The following DEFA4 variants were observed in gnomAD, a reference collection of about 807,000 sequenced individuals.
The protein encoded by DEFA4 is corticostatin.
A neutral mutation model predicts 4.4 loss-of-function variants in DEFA4; 8 were observed. That is an observed-to-expected ratio of 1.82 (90% CI 1.07 to 3.29). DEFA4 has a LOEUF of 3.29. Among genes scored for constraint, DEFA4 ranks in the 30% most tolerant of loss-of-function variants. The pLI is 0.00. For missense variants in DEFA4, 216 were observed against 127.0 expected (o/e 1.70, Z -3.37); for synonymous variants, 77 against 46.5 (o/e 1.66, Z -2.67).
At chr8:6,937,714 C>G (rs1484554152) in intron 1 of DEFA4, among the ~76,000 whole-genome samples, 1 of 152,078 alleles carries the variant, frequency 6.6e-6, no homozygotes, top group Non-Finnish European at 1.5e-5. Context: ...ACCAAAGGCA[C>G]AGGCAATAAA....
intron 1 of DEFA4, 67 bp from the exon 2 acceptor site, chr8:6,936,978 T>C (rs1808885636): frequency 1.5e-6 from 2 of 1,338,434 alleles, no homozygotes; most frequent in Non-Finnish European, 2.0e-6. Flanking sequence ...ATAGCTTTGC[T>C]GGGAGAAGGC....
chr8:6,936,689 C>T, intron 2 of DEFA4, 39 bp downstream of exon 2: 2 of 1,546,806 alleles, frequency 1.3e-6, no homozygotes, highest in South Asian at 1.2e-5. Context: ...CCATCCGTCT[C>T]TCTAGACTCG....
At position 6,936,815 on chromosome 8, in the gene DEFA4, C is replaced by T. The variant is rs1808875157; in HGVS notation, c.85G>A (p.Ala29Thr). Reference protein sequence around the residue: ...AGPLQARGDEAPGQEQRGPED... With the variant: ...AGPLQARGDETPGQEQRGPED... ...GGCCCACGCTGCTCCTGGCCTGGAGCCTCATCACCTCTTGCCTGGAGTGGG... is the reference window on the plus strand; with the variant it reads ...GGCCCACGCTGCTCCTGGCCTGGAGTCTCATCACCTCTTGCCTGGAGTGGG... Residue 29 changes from alanine to threonine, a missense_variant, in exon 2 of 3, where the codon GCT becomes ACT. Physicochemically the swap from Ala to Thr is moderately conservative, Grantham distance 58. Coordinates refer to ENST00000297435, the MANE Select transcript of DEFA4 (RefSeq NM_001925.3). The T allele has an allele frequency of 1.2e-6, 2 of 1,613,658 alleles. No individual in the cohort carries two copies. The highest frequency in any genetic ancestry group is 1.7e-6 in the Non-Finnish European group (2 of 1,179,822).
rs528468114 is a variant in DEFA4 at position 6,936,051 on chromosome 8, C to G, written c.263G>C (p.Ser88Thr). 12 of 1,613,778 alleles carry G rather than the reference C, an allele frequency of 7.4e-6. No homozygotes were observed. The highest frequency in any genetic ancestry group is 1.0e-5 in the Non-Finnish European group (12 of 1,179,908). ...GACACGCGTGCAGCAGTATGTGAAA[C>G]TCACACCACCAATGAGGCAGTTCCC... ...RVGNCLIGGVSFTYCCTRVD is the reference protein window; with the variant it reads ...RVGNCLIGGVTFTYCCTRVD The change falls in exon 3 of 3, where the codon AGT becomes ACT. Residue 88 changes from serine to threonine, a missense_variant. Ser to Thr is a moderately conservative substitution (Grantham distance 58). Coordinates refer to ENST00000297435, the MANE Select transcript of DEFA4 (RefSeq NM_001925.3).
intron 1 of DEFA4, among the ~76,000 whole-genome samples, chr8:6,937,823 G>C (rs1309885758): frequency 6.6e-6 from 1 of 152,122 alleles, no homozygotes; most frequent in African/African-American, 2.4e-5. Context: ...CAGAAAATGA[G>C]AGAAAATGTT....
chr8:6,936,812 G>T lies in DEFA4; in HGVS notation c.88C>A (p.Pro30Thr). 6.2e-7 allele frequency: 1 copy of T among 1,613,730 alleles called. No homozygotes were observed. Among genetic ancestry groups the T allele is most frequent in the Non-Finnish European group, 8.5e-7 (1 of 1,179,868 alleles). ...TCTGGCCCACGCTGCTCCTGGCCTG[G>T]AGCCTCATCACCTCTTGCCTGGAGT... is the stretch of plus-strand genomic sequence containing the variant. ...GPLQARGDEAPGQEQRGPEDQ... is the reference protein window; with the variant it reads ...GPLQARGDEATGQEQRGPEDQ... Residue 30 changes from proline (P) to threonine (T), a missense_variant, in exon 2 of 3, where the codon CCA becomes ACA. Pro to Thr is a conservative substitution (Grantham distance 38). Transcript: ENST00000297435.
At chr8:6,937,182 C>G (rs1040594789) in intron 1 of DEFA4, among the ~76,000 whole-genome samples, 8 of 151,988 alleles carry the variant, frequency 5.3e-5, no homozygotes, top group Non-Finnish European at 1.0e-4. Flanking sequence ...GGCATTTTTT[C>G]CTGTTTTCAG....
At chr8:6,936,303 T>A (rs146114772) in intron 2 of DEFA4, among the ~76,000 whole-genome samples, 162 bp from the exon 3 acceptor site, 1 of 152,232 alleles carries the variant, frequency 6.6e-6, no homozygotes, top group African/African-American at 2.4e-5. Flanking sequence ...CACAGAGCAA[T>A]GCTGCTCATA....
rs537420221 is a variant in DEFA4, at chr8:6,936,793, C to A, written c.107G>T (p.Gly36Val). The A allele has an allele frequency of 8.1e-6, 13 of 1,613,646 alleles. No individual in the cohort carries two copies. In the South Asian group the frequency reaches 1.4e-4, roughly 18 times the overall value. ...AATAGATATGTCCTGGTCTTCTGGC[C>A]CACGCTGCTCCTGGCCTGGAGCCTC... Reference protein sequence around the residue: ...GDEAPGQEQRGPEDQDISISF... With the variant: ...GDEAPGQEQRVPEDQDISISF... Residue 36 changes from glycine to valine, a missense_variant, in exon 2 of 3, where the codon GGG becomes GTG. Gly to Val is a moderately radical substitution (Grantham distance 109). Transcript: ENST00000297435.
At position 6,938,024 on chromosome 8, in the gene DEFA4, G is replaced by C. The variant is rs142091554; in HGVS notation, c.-13+202C>G. 6.6e-4 allele frequency among the ~76,000 whole-genome samples: 100 copies of C among 152,260 alleles called. 1 individual carries two copies. The highest frequency in any genetic ancestry group is 2.1e-3 in the African/African-American group (87 of 41,568). On this transcript the variant is annotated intron_variant, in intron 1 of 2. Coordinates refer to ENST00000297435, the MANE Select transcript of DEFA4 (RefSeq NM_001925.3). ...CATGTCAAGTAGGACACGTGTGTTT[G>C]GAAGGAAACTTTTTGAGTTTCTCTA...
At chr8:6,936,981 GA>G in intron 1 of DEFA4, 70 bp from the exon 2 acceptor site, 1 of 1,326,090 alleles carries the variant, frequency 7.5e-7, no homozygotes, top group Non-Finnish European at 9.9e-7. Context: ...GCTTTGCTGG[GA>G]GAAGGCACAG....
In DEFA4 at chr8:6,936,850, A is replaced by T; in HGVS notation, c.50T>A (p.Val17Asp). Reference protein sequence around the residue: ...LAAILLVALQVRAGPLQARGD... With the variant: ...LAAILLVALQDRAGPLQARGD... ...TCTTGCCTGGAGTGGGCCTGCCCGG[A>T]CCTGGAGGGCTACCAAGAGAATAGC... is the stretch of plus-strand genomic sequence containing the variant. Residue 17 changes from valine (V) to aspartate (D), a missense_variant, in exon 2 of 3, where the codon GTC becomes GAC. By Grantham distance (152) the Val-to-Asp change is radical. Coordinates refer to ENST00000297435, the MANE Select transcript of DEFA4 (RefSeq NM_001925.3). The T allele has an allele frequency of 1.2e-6, 2 of 1,612,692 alleles. No individual in the cohort carries two copies. Among genetic ancestry groups the T allele is most frequent in the African/African-American group, 1.3e-5 (1 of 74,984 alleles).
At chr8:6,938,191 C>T (rs1264752075) in intron 1 of DEFA4, 35 bp downstream of exon 1, 1 of 152,140 alleles carries the variant, frequency 6.6e-6, no homozygotes, top group Non-Finnish European at 1.5e-5. Context: ...AATATTGAAA[C>T]CTCAATGTGA....
intron 2 of DEFA4, 142 bp from the exon 3 acceptor site, chr8:6,936,283 G>A (rs1372005028): frequency 2.0e-6 from 2 of 1,014,474 alleles, no homozygotes; most frequent in African/African-American, 1.6e-5. Context: ...TTAGTCAATA[G>A]GAATAAATAC....
rs736227 is a variant in DEFA4 at position 6,936,018 on chromosome 8, C to A, written c.*2G>T. 6.2e-7 allele frequency: 1 copy of A among 1,613,334 alleles called. No individual in the cohort carries two copies. Among genetic ancestry groups the A allele is most frequent in the African/African-American group, 1.3e-5 (1 of 74,844 alleles). ...CATGACATTCTCTTGGACAGCAGAACGTTAATCGACACGCGTGCAGCAGTA... is the reference window on the plus strand; with the variant it reads ...CATGACATTCTCTTGGACAGCAGAAAGTTAATCGACACGCGTGCAGCAGTA... On this transcript the variant is annotated 3_prime_UTR_variant, in exon 3 of 3. Coordinates refer to ENST00000297435, the MANE Select transcript of DEFA4 (RefSeq NM_001925.3).
Position 6,936,740 on chromosome 8 carries a change from G to C in DEFA4, c.160C>G (p.Leu54Val), listed in dbSNP as rs754417143. 1 of 1,601,834 alleles carries C rather than the reference G, an allele frequency of 6.2e-7. No individual in the cohort carries two copies. The highest frequency in any genetic ancestry group is 1.1e-5 in the South Asian group (1 of 89,144). ...ISFAWDKSSA[L>V]QVSGSTRGMV... ...TGGCCTCTCTCACCTGAAACCTGAA[G>C]AGCAGAGCTTTTATCCCATGCAAAG... Residue 54 changes from leucine to valine, a missense_variant, in exon 2 of 3, where the codon CTT becomes GTT. Coordinates refer to ENST00000297435, the MANE Select transcript of DEFA4 (RefSeq NM_001925.3).
intron 2 of DEFA4, 91 bp from the exon 3 acceptor site, chr8:6,936,232 C>G (rs149651417): frequency 9.1e-6 from 14 of 1,546,874 alleles, no homozygotes; most frequent in Middle Eastern, 2.2e-4. Context: ...GCTGGCTGAC[C>G]GGTGATGCTG....
In DEFA4 at chr8:6,938,214, T is replaced by A. The variant is rs2117341699; in HGVS notation, c.-13+12A>T. ...AACCTCAATGTGAAAGTTTAAGTTT[T>A]GTGTTACTTACAGATCCTCAAGCTA... On this transcript the variant is annotated intron_variant, in intron 1 of 2. Transcript: ENST00000297435. 6.6e-6 allele frequency: 1 copy of A among 152,290 alleles called. No homozygotes were observed. Among genetic ancestry groups the A allele is most frequent in the Admixed American group, 6.5e-5 (1 of 15,290 alleles). The allele number at this position is 152,290 out of a possible 1,614,324, so 9.4% of individuals were successfully genotyped here.
At position 6,935,929 on chromosome 8, in the gene DEFA4, T is replaced by G; in HGVS notation, c.*91A>C. 1.9e-6 allele frequency: 3 copies of G among 1,582,708 alleles called. No homozygotes were observed. The highest frequency in any genetic ancestry group is 2.3e-5 in the South Asian group (2 of 88,484). On this transcript the variant is annotated 3_prime_UTR_variant, in exon 3 of 3. Transcript: ENST00000297435. ...AAAGCAAATTATGAGCTCATTTTTC[T>G]CTATTCTGCAAGCTCAGCTGCAGAA...
Sources: allele counts gnomAD v4.1 joint callset (sites outside exome capture counted in the v4.1 genomes callset), GRCh38; gene constraint gnomAD v4.1.1; transcripts MANE v1.5; gene names NCBI Gene and HGNC (gene_info 2026-07-23, HGNC 2026-07-21).